ZFHX3: variants seen among roughly 807,000 people sequenced by gnomAD.
ZFHX3 encodes zinc finger homeobox protein 3.
Under a neutral mutation model 279.1 loss-of-function variants are expected in ZFHX3, and 42 were observed. The ratio of observed to expected loss-of-function variants is 0.15; its 90% confidence interval spans 0.12 to 0.19. The LOEUF is 0.19. Among genes scored for constraint, ZFHX3 ranks in the 10% least tolerant of loss-of-function variants. ZFHX3 has a pLI of 1.00. For missense variants in ZFHX3, 4,981 were observed against 4,754.0 expected, an observed-to-expected ratio of 1.05 and a Z score of -1.40; for synonymous variants, 2,293 against 1,957.8, an observed-to-expected ratio of 1.17 and a Z score of -4.52.
At chr16:72,939,677 C>T (rs903313405) in intron 3 of ZFHX3, among the ~76,000 whole-genome samples, 6 of 152,218 alleles carry the variant, frequency 3.9e-5, no homozygotes, top group African/African-American at 1.4e-4. Context: ...CACTTGAGGT[C>T]AGGAGTTCGA....
chr16:72,855,285 T>G (rs951154867), intron 4 of ZFHX3, among the ~76,000 whole-genome samples: 24 of 152,340 alleles, frequency 1.6e-4, no homozygotes, highest in African/African-American at 5.8e-4. Context: ...TTCCACACCT[T>G]CAGCCATCAG....
intron 1 of ZFHX3, among the ~76,000 whole-genome samples, chr16:73,838,954 G>C (rs1042134255): frequency 1.3e-5 from 2 of 152,074 alleles, no homozygotes; most frequent in Non-Finnish European, 2.9e-5. Context: ...TATCAAGGCA[G>C]GGAGATCAAG....
intron 5 of ZFHX3, among the ~76,000 whole-genome samples, chr16:73,244,762 C>A (rs1261364931): frequency 6.6e-6 from 1 of 152,166 alleles, no homozygotes; most frequent in Non-Finnish European, 1.5e-5. Context: ...ACTGCCTTTG[C>A]ACGGACAGCA....
chr16:73,623,108 C>T (rs1272658515), intron 2 of ZFHX3, among the ~76,000 whole-genome samples: 1 of 151,724 alleles, frequency 6.6e-6, no homozygotes, highest in Middle Eastern at 3.2e-3. Flanking sequence ...GCTATCTCGG[C>T]TCACTGCAAG....
chr16:73,090,911 G>GAAAAAAAA lies in ZFHX3; in HGVS notation c.-533+2316_-533+2323dup, dbSNP rs57632636. Among the ~76,000 whole-genome samples, 234 of 108,286 alleles carry GAAAAAAAA rather than the reference G, an allele frequency of 2.2e-3. 15 individuals carry two copies. Among genetic ancestry groups the GAAAAAAAA allele is most frequent in the African/African-American group, 1.0e-2 (191 of 19,158 alleles). 71.0% of individuals were successfully genotyped at this position (108,286 alleles called of 152,430 possible). The stretch of plus-strand genomic sequence containing the variant: ...GGGAGACAGAGTAAGATCCCATATT[G>GAAAAAAAA]AAAAAAAAAAAAAAAAAAGGCAAGG... On this transcript the variant is annotated intron_variant, in intron 8 of 17. Coordinates refer to the ZFHX3 transcript ENST00000641206.
At chr16:72,898,726 G>T (rs1449334000) in intron 3 of ZFHX3, among the ~76,000 whole-genome samples, 3 of 140,074 alleles carry the variant, frequency 2.1e-5, no homozygotes, top group Non-Finnish European at 3.0e-5. Flanking sequence ...CATTATGGGA[G>T]CAAATTATTA....
chr16:73,049,429 G>A (rs1319143343), upstream of ZFHX3, among the ~76,000 whole-genome samples: 10 of 152,134 alleles, frequency 6.6e-5, no homozygotes, highest in Non-Finnish European at 1.2e-4. Context: ...ACACTGACTC[G>A]GGAGAAAAAG....
chr16:72,895,250 T>C, intron 3 of ZFHX3, among the ~76,000 whole-genome samples: 1 of 152,182 alleles, frequency 6.6e-6, no homozygotes, highest in East Asian at 1.9e-4. Flanking sequence ...AATGAGGGCA[T>C]TCCCCCTTTG....
rs183966076 is a variant in ZFHX3 at position 73,723,486 on chromosome 16, A to G, written c.-1607-43246T>C. Among the ~76,000 whole-genome samples, 24 of 152,304 alleles carry G rather than the reference A, an allele frequency of 1.6e-4. 2 individuals carry two copies. Among genetic ancestry groups the G allele is most frequent in the Admixed American group, 1.6e-3 (24 of 15,296 alleles). ...TATTGAGTAAAGAAAAATGTTCACA[A>G]TGTATTGTTGACATGAAAACACAGA... On this transcript the variant is annotated intron_variant, in intron 1 of 17. Transcript: ENST00000641206.
rs544418288 is a variant in ZFHX3 at position 72,795,992 on chromosome 16, C to G, written c.6690G>C (p.Ser2230=). 6.2e-7 allele frequency: 1 copy of G among 1,614,048 alleles called. No homozygotes were observed. Among genetic ancestry groups the G allele is most frequent in the Non-Finnish European group, 8.5e-7 (1 of 1,180,016 alleles). ...AGTACTCCTGCTTTGGAGGTTCCGGCGAAGGGGGCCGGGAGTCAATCTTGA... is the reference window on the plus strand; with the variant it reads ...AGTACTCCTGCTTTGGAGGTTCCGGGGAAGGGGGCCGGGAGTCAATCTTGA... ...EELKIDSRPP[S]PEPPKQEYWG... is the part of the protein sequence containing the mutation. Residue 2230 remains serine (S), a synonymous_variant, in exon 9 of 10, where the codon TCG becomes TCC. Transcript: ENST00000268489.
chr16:73,741,600 C>G (rs936987184), intron 1 of ZFHX3, among the ~76,000 whole-genome samples: 1 of 152,182 alleles, frequency 6.6e-6, no homozygotes, highest in East Asian at 1.9e-4. Flanking sequence ...TTTCAACAGC[C>G]TTGGACTCTC....
chr16:73,387,222 C>T (rs1042193657), intron 3 of ZFHX3: 8 of 152,204 alleles, frequency 5.3e-5, no homozygotes, highest in African/African-American at 9.7e-5. Context: ...GGTTCGCGAA[C>T]GCTGAGAGCA....
intron 1 of ZFHX3, among the ~76,000 whole-genome samples, chr16:73,031,402 C>A (rs1044326793): frequency 6.6e-6 from 1 of 151,926 alleles, no homozygotes; most frequent in East Asian, 1.9e-4. Context: ...GGGGGCAGGT[C>A]GGGGAAGAAA....
At chr16:73,738,040 G>A (rs2053624170) in intron 1 of ZFHX3, among the ~76,000 whole-genome samples, 1 of 152,114 alleles carries the variant, frequency 6.6e-6, no homozygotes, top group African/African-American at 2.4e-5. Context: ...ATTGATTTAT[G>A]CCCTCCACAT....
chr16:72,968,499 C>T lies in ZFHX3; in HGVS notation c.-49-8305G>A, dbSNP rs187616876. On this transcript the variant is annotated intron_variant, in intron 1 of 9. Transcript: ENST00000268489. ...TTTTTGAGACAGAGTCTCGCTCTGTCGTCCAGGCTGGAGTGCAGTGGCGCA... is the reference window on the plus strand; with the variant it reads ...TTTTTGAGACAGAGTCTCGCTCTGTTGTCCAGGCTGGAGTGCAGTGGCGCA... Among the ~76,000 whole-genome samples the T allele has an allele frequency of 2.5e-3, 366 of 143,552 alleles. 8 individuals are homozygous for T. Among genetic ancestry groups the T allele is most frequent in the Admixed American group, 0.025 (341 of 13,892 alleles). 94.2% of individuals were successfully genotyped at this position (143,552 alleles called of 152,430 possible).
At chr16:73,294,943 G>T (rs1348792380) in intron 4 of ZFHX3, among the ~76,000 whole-genome samples, 3 of 151,850 alleles carry the variant, frequency 2.0e-5, no homozygotes, top group Non-Finnish European at 4.4e-5. Flanking sequence ...GCTGGGCGCG[G>T]TGACTCACGC....
chr16:72,884,914 G>C (rs1433174201), intron 4 of ZFHX3, among the ~76,000 whole-genome samples: 2 of 152,200 alleles, frequency 1.3e-5, no homozygotes, highest in African/African-American at 2.4e-5. Context: ...CTACCTGTGG[G>C]TGGGTAAGTA....
intron 1 of ZFHX3, among the ~76,000 whole-genome samples, chr16:72,989,308 CCT>C (rs2144563941): frequency 6.6e-6 from 1 of 152,120 alleles, no homozygotes; most frequent in East Asian, 1.9e-4. Flanking sequence ...AAGGTGAAAC[CCT>C]GTCTCTACTA....
intron 8 of ZFHX3, among the ~76,000 whole-genome samples, chr16:73,085,483 T>A (rs1316741526): frequency 2.6e-5 from 4 of 152,160 alleles, no homozygotes; most frequent in Non-Finnish European, 5.9e-5. Flanking sequence ...TGACCTCTAG[T>A]GATCCGCCTG....
Sources: gnomAD v4.1 joint callset for allele counts (sites outside exome capture counted in the v4.1 genomes callset) on GRCh38, gnomAD v4.1.1 for gene constraint, MANE v1.5 for transcripts, NCBI Gene and HGNC (gene_info 2026-07-23, HGNC 2026-07-21) for gene names.